Variants in OPCML observed in about 807,000 individuals in gnomAD.
OPCML encodes the protein opioid-binding protein/cell adhesion molecule.
In OPCML, 13 loss-of-function variants were observed where a neutral mutation model predicts 37.8. That is an observed-to-expected ratio of 0.34 (90% CI 0.22 to 0.55). OPCML has a LOEUF of 0.55. Among genes scored for constraint, OPCML ranks in the 20% least tolerant of loss-of-function variants. The pLI is 0.91. For synonymous variants in OPCML, 176 were observed against 168.8 expected (o/e 1.04, Z -0.33); for missense variants, 341 against 435.6 (o/e 0.78, Z 1.93).
intron 3 of OPCML, among the ~76,000 whole-genome samples, chr11:132,582,974 T>C (rs961149744): frequency 6.6e-6 from 1 of 151,148 alleles, no homozygotes; most frequent in Non-Finnish European, 1.5e-5. Context: ...GCCTCCAGAG[T>C]AGCTGAGACT....
chr11:133,046,634 C>T (rs986094201), intron 1 of OPCML, among the ~76,000 whole-genome samples: 9 of 152,188 alleles, frequency 5.9e-5, no homozygotes, highest in Non-Finnish European at 1.0e-4. Context: ...CCCTGCATAG[C>T]CCCTGGCATG....
intron 1 of OPCML, chr11:133,004,738 A>G: frequency 1.0e-6 from 1 of 985,370 alleles, no homozygotes; most frequent in East Asian, 1.1e-4. Context: ...GAAGGTTCAC[A>G]CCGGACGCGT....
intron 1 of OPCML, among the ~76,000 whole-genome samples, chr11:133,238,160 A>G (rs575563620): frequency 6.6e-6 from 1 of 152,278 alleles, no homozygotes; most frequent in African/African-American, 2.4e-5. Flanking sequence ...TTGACCCTGT[A>G]TTACCCTGTG....
At chr11:132,563,522 A>T (rs1257461276) in intron 3 of OPCML, among the ~76,000 whole-genome samples, 1 of 151,802 alleles carries the variant, frequency 6.6e-6, no homozygotes, top group Non-Finnish European at 1.5e-5. Context: ...TTGCAACTAG[A>T]TAGAGGTGGT....
chr11:132,729,944 C>A (rs1425565650), intron 2 of OPCML, among the ~76,000 whole-genome samples: 1 of 148,654 alleles, frequency 6.7e-6, no homozygotes, highest in Non-Finnish European at 1.5e-5. Flanking sequence ...ACCACAAAGA[C>A]AACAAACTGA....
intron 7 of OPCML, among the ~76,000 whole-genome samples, chr11:132,434,066 C>T (rs989366770): frequency 6.6e-5 from 10 of 152,140 alleles, no homozygotes; most frequent in African/African-American, 2.4e-4. Flanking sequence ...CAGTCCTGTG[C>T]CCTTCTCTGC....
intron 2 of OPCML, among the ~76,000 whole-genome samples, chr11:132,706,816 ATTTG>A (rs1437102763): frequency 1.3e-5 from 2 of 152,182 alleles, no homozygotes; most frequent in Admixed American, 6.5e-5. Flanking sequence ...TTAGGGGTTT[ATTTG>A]TTTGAGTTGT....
chr11:132,848,468 G>A lies in OPCML; in HGVS notation c.146+94458C>T, dbSNP rs550355002. On this transcript the variant is annotated intron_variant, in intron 2 of 7. Transcript: ENST00000524381. The stretch of plus-strand genomic sequence containing the variant: ...AACATTCTCTGCCTTGTGGATGCAC[G>A]CAGAATATTTGGCATTTCTCTCAAG... Among the ~76,000 whole-genome samples the A allele has an allele frequency of 8.5e-5, 13 of 152,252 alleles. No individual in the cohort carries two copies. The East Asian group carries it at 1.2e-3, about 14-fold the overall frequency.
At chr11:132,988,224 G>A (rs946223639) in intron 1 of OPCML, among the ~76,000 whole-genome samples, 23 of 152,162 alleles carry the variant, frequency 1.5e-4, no homozygotes, top group Admixed American at 1.5e-3. Context: ...ACTGGTCAAG[G>A]CTGTGGTTTT....
chr11:133,370,690 A>C (rs1944655844), intron 1 of OPCML, among the ~76,000 whole-genome samples: 1 of 152,162 alleles, frequency 6.6e-6, no homozygotes, highest in African/African-American at 2.4e-5. Context: ...TAAATAACAT[A>C]AGTATTAAGA....
At chr11:133,318,108 A>G (rs780752007) in intron 1 of OPCML, among the ~76,000 whole-genome samples, 6 of 152,174 alleles carry the variant, frequency 3.9e-5, no homozygotes, top group Non-Finnish European at 7.3e-5. Context: ...TCCCACTGGC[A>G]TTGTGGCCAG....
At chr11:133,031,658 G>A (rs1271597894) in intron 1 of OPCML, among the ~76,000 whole-genome samples, 2 of 152,110 alleles carry the variant, frequency 1.3e-5, no homozygotes, top group Non-Finnish European at 2.9e-5. Context: ...TTGCCAGGGT[G>A]TGAGCATGGT....
In OPCML at chr11:132,474,564, C is replaced by A. The variant is rs183586058; in HGVS notation, c.506-37205G>T. Among the ~76,000 whole-genome samples, 9 of 152,272 alleles carry A rather than the reference C, an allele frequency of 5.9e-5. 1 individual carries two copies. The highest frequency in any genetic ancestry group is 2.2e-4 in the African/African-American group (9 of 41,566). ...CTCCCTTATCAAGATTGAATGTGTT[C>A]TCAGAATCTCAGGCCTCACTATTTG... On this transcript the variant is annotated intron_variant, in intron 4 of 7. Transcript: ENST00000524381.
chr11:133,005,381 G>C (rs970291938), intron 1 of OPCML: 1 of 985,344 alleles, frequency 1.0e-6, no homozygotes, highest in Non-Finnish European at 1.2e-6. Context: ...CCGTTTCTCA[G>C]ATATCTGTCT....
chr11:132,763,170 T>C (rs1489350603), intron 2 of OPCML, among the ~76,000 whole-genome samples: 1 of 152,154 alleles, frequency 6.6e-6, no homozygotes, highest in Non-Finnish European at 1.5e-5. Context: ...CCCAATGAGA[T>C]GAACTGGGTA....
intron 3 of OPCML, among the ~76,000 whole-genome samples, chr11:132,611,151 G>A (rs1297259163): frequency 6.6e-6 from 1 of 152,184 alleles, no homozygotes; most frequent in East Asian, 1.9e-4. Context: ...AGCTGGCCCA[G>A]TTTTTAACGG....
At chr11:133,161,718 A>T (rs1950144068) in intron 1 of OPCML, among the ~76,000 whole-genome samples, 1 of 152,234 alleles carries the variant, frequency 6.6e-6, no homozygotes, top group Non-Finnish European at 1.5e-5. Context: ...GTGTATATGT[A>T]TATATAATCT....
intron 1 of OPCML, among the ~76,000 whole-genome samples, chr11:133,454,129 C>CTCA (rs1359852236): frequency 6.6e-6 from 1 of 152,164 alleles, no homozygotes; most frequent in Non-Finnish European, 1.5e-5. Flanking sequence ...CAAATTAAGT[C>CTCA]TCATTTGTTT....
At chr11:133,052,405 A>T (rs1948148214) in intron 1 of OPCML, among the ~76,000 whole-genome samples, 1 of 152,228 alleles carries the variant, frequency 6.6e-6, no homozygotes. Context: ...ATACTTGATG[A>T]ACAGGACTAA....
Sources: gnomAD v4.1 joint callset for allele counts (sites outside exome capture counted in the v4.1 genomes callset) on GRCh38, gnomAD v4.1.1 for gene constraint, MANE v1.5 for transcripts, NCBI Gene and HGNC (gene_info 2026-07-23, HGNC 2026-07-21) for gene names.